ENOSF1: variants seen among roughly 807,000 people sequenced by gnomAD.
The protein encoded by ENOSF1 is mitochondrial enolase superfamily member 1.
Under a neutral mutation model 68.2 loss-of-function variants are expected in ENOSF1, and 73 were observed. That is an observed-to-expected ratio of 1.07 (90% CI 0.89 to 1.30). The LOEUF (loss-of-function observed/expected upper bound fraction) is 1.30, where lower values mean the gene tolerates loss of function less well. Among genes scored for constraint, ENOSF1 ranks in the 50% most tolerant of loss-of-function variants. ENOSF1 has a pLI of 0.00. For missense variants in ENOSF1, 589 were observed against 554.5 expected, an observed-to-expected ratio of 1.06 and a Z score of -0.62; for synonymous variants, 223 against 210.4, an observed-to-expected ratio of 1.06 and a Z score of -0.52.
chr18:687,239 A>C (rs1319045763), intron 9 of ENOSF1: 1 of 152,242 alleles, frequency 6.6e-6, no homozygotes, highest in East Asian at 1.9e-4. Flanking sequence ...ATGTGATTTC[A>C]GTTCTATCAG....
intron 11 of ENOSF1, among the ~76,000 whole-genome samples, chr18:681,096 A>G (rs1350507559): frequency 6.6e-6 from 1 of 152,174 alleles, no homozygotes; most frequent in Admixed American, 6.5e-5. Flanking sequence ...TCCTGACCTC[A>G]GGTGATCCAC....
chr18:674,179 TG>T lies in ENOSF1; in HGVS notation c.*125del. The stretch of plus-strand genomic sequence containing the variant: ...TAATTACTTAGCTGATTCCTGAGGG[TG>T]GTATGACTTCTAGCTGAACTCATCT... On this transcript the variant is annotated 3_prime_UTR_variant, in exon 16 of 16. Transcript: ENST00000647584. 1 of 654,430 alleles carries T rather than the reference TG, an allele frequency of 1.5e-6. No individual in the cohort carries two copies. The allele number at this position is 654,430 out of a possible 1,614,324, so 40.5% of individuals were successfully genotyped here.
chr18:699,177 G>C (rs1390463698), intron 2 of ENOSF1, among the ~76,000 whole-genome samples: 1 of 152,100 alleles, frequency 6.6e-6, no homozygotes, highest in Admixed American at 6.6e-5. Context: ...ACTTTGAAAG[G>C]ATTTCTTGGA....
At position 712,569 on chromosome 18, in the gene ENOSF1, A is replaced by T. The variant is rs2079726109; in HGVS notation, c.19T>A (p.Ser7Thr). 6.5e-7 allele frequency: 1 copy of T among 1,534,830 alleles called. No individual in the cohort carries two copies. The highest frequency in any genetic ancestry group is 8.7e-7 in the Non-Finnish European group (1 of 1,144,162). ...CGCACGTCCCGGACCGAGAGCCGGG[A>T]GATCCTGCCGCGCACCATGGCCCCT... MVRGRISRLSVRDVRFP... is the reference protein window; with the variant it reads MVRGRITRLSVRDVRFP... The change falls in exon 1 of 16, where the codon TCC becomes ACC. Residue 7 changes from serine to threonine, a missense_variant. Ser to Thr is a moderately conservative substitution (Grantham distance 58). Coordinates refer to ENST00000647584, the MANE Select transcript of ENOSF1 (RefSeq NM_017512.7).
chr18:683,434 G>A (rs2076297844), intron 10 of ENOSF1, 54 bp from the exon 11 acceptor site: 1 of 1,601,150 alleles, frequency 6.2e-7, no homozygotes, highest in East Asian at 2.2e-5. Flanking sequence ...CCTCACAGCA[G>A]GGCTGCGGCT....
At chr18:688,500 CCT>C in intron 9 of ENOSF1, 72 bp downstream of exon 9, 1 of 1,609,144 alleles carries the variant, frequency 6.2e-7, no homozygotes. Flanking sequence ...TCCTTGGCTC[CCT>C]GCCAGGAGAG....
intron 5 of ENOSF1, chr18:692,593 G>T: frequency 1.8e-6 from 1 of 565,128 alleles, no homozygotes; most frequent in Non-Finnish European, 2.2e-6. Flanking sequence ...AGAAAACTCC[G>T]TCTAAAAAAA....
chr18:705,783 C>A (rs771587264), intron 2 of ENOSF1, among the ~76,000 whole-genome samples: 30 of 151,938 alleles, frequency 2.0e-4, no homozygotes, highest in Non-Finnish European at 4.0e-4. Context: ...CTGAGACAGG[C>A]GGATCATTTG....
intron 10 of ENOSF1, 61 bp from the exon 11 acceptor site, chr18:683,441 G>C: frequency 1.9e-6 from 3 of 1,589,120 alleles, no homozygotes; most frequent in Non-Finnish European, 1.7e-6. Flanking sequence ...GCAGGGCTGC[G>C]GCTCCCAGGG....
intron 1 of ENOSF1, among the ~76,000 whole-genome samples, chr18:710,069 A>T (rs1461061898): frequency 2.6e-5 from 4 of 152,206 alleles, no homozygotes; most frequent in Admixed American, 6.5e-5. Context: ...GACATCACTC[A>T]GGCCCAGAGG....
chr18:711,507 A>G (rs1345457932), intron 1 of ENOSF1, among the ~76,000 whole-genome samples: 1 of 151,876 alleles, frequency 6.6e-6, no homozygotes, highest in Non-Finnish European at 1.5e-5. Flanking sequence ...TTCACTACAT[A>G]CCCATACAAC....
At chr18:710,493 T>C (rs1021797194) in intron 1 of ENOSF1, among the ~76,000 whole-genome samples, 12 of 152,104 alleles carry the variant, frequency 7.9e-5, no homozygotes, top group Middle Eastern at 3.2e-3. Flanking sequence ...TCAGAGTGAA[T>C]AGTAATTACA....
At chr18:668,502 T>C (rs2074902608), downstream of ENOSF1, among the ~76,000 whole-genome samples, 2 of 152,204 alleles carry the variant, frequency 1.3e-5, no homozygotes, top group Admixed American at 1.3e-4. Flanking sequence ...TCCTGATGTT[T>C]CCAAGTCAGT....
chr18:691,074 C>CT lies in ENOSF1; in HGVS notation c.528dup (p.Glu177ArgfsTer26), dbSNP rs757205235. On this transcript the variant is annotated frameshift_variant, in exon 7 of 16. Coordinates refer to ENST00000647584, the MANE Select transcript of ENOSF1 (RefSeq NM_017512.7). LOFTEE classifies it high-confidence loss of function. ...AAATTTTCTTACAACCCACCTCTTT[C>CT]TTTTTTACCAATTTGACCTTTCTGC... 21 of 1,614,034 alleles carry CT rather than the reference C, an allele frequency of 1.3e-5. No homozygotes were observed. The highest frequency in any genetic ancestry group is 1.7e-5 in the Non-Finnish European group (20 of 1,180,020).
In ENOSF1 at chr18:691,341, TA is replaced by T. The variant is rs892616862; in HGVS notation, c.424-66del. On this transcript the variant is annotated intron_variant, in intron 5 of 15. Transcript: ENST00000647584. ...ATAAGGTGGGTTATATTTTGTTTTT[TA>T]AAATTTATTATTCTTTTTTTAGAGA... The T allele has an allele frequency of 1.6e-5, 21 of 1,336,894 alleles. No individual in the cohort carries two copies. In the African/African-American group the frequency reaches 3.0e-4, roughly 19 times the overall value. 82.8% of individuals were successfully genotyped at this position (1,336,894 alleles called of 1,614,324 possible). A position where few individuals can be genotyped will look rare whatever the true frequency, so the allele number is the denominator to read the frequency against.
chr18:696,413 A>G (rs965400509), intron 3 of ENOSF1, among the ~76,000 whole-genome samples: 3 of 151,640 alleles, frequency 2.0e-5, no homozygotes, highest in Non-Finnish European at 4.4e-5. Context: ...GGGTTTCACC[A>G]TGTTAGCCAG....
rs2075047397 is a variant in ENOSF1 at position 671,475 on chromosome 18, T to G, written c.*2830A>C. ...AGGTAAGAATTAGATGTTATACTTTTGGGTTTGGTACCTTCTCTTGATAAA... is the reference window on the plus strand; with the variant it reads ...AGGTAAGAATTAGATGTTATACTTTGGGGTTTGGTACCTTCTCTTGATAAA... On this transcript the variant is annotated 3_prime_UTR_variant, in exon 16 of 16. Coordinates refer to ENST00000647584, the MANE Select transcript of ENOSF1 (RefSeq NM_017512.7). The G allele has an allele frequency of 6.6e-7, 1 of 1,524,212 alleles. No homozygotes were observed. The highest frequency in any genetic ancestry group is 1.7e-4 in the Middle Eastern group (1 of 5,914). The allele number at this position is 1,524,212 out of a possible 1,614,324, so 94.4% of individuals were successfully genotyped here.
At position 685,466 on chromosome 18, in the gene ENOSF1, T is replaced by C. The variant is rs1037312321; in HGVS notation, c.741+455A>G. ...GCCTCCAAAGCCTCATAAAAACATC[T>C]TACTGTGACTTTATGAAAATATTTT... On this transcript the variant is annotated intron_variant, in intron 10 of 15. Transcript: ENST00000647584. Among the ~76,000 whole-genome samples the C allele has an allele frequency of 2.0e-5, 3 of 152,196 alleles. No individual in the cohort carries two copies. In the East Asian group the frequency reaches 5.8e-4, roughly 29 times the overall value.
intron 1 of ENOSF1, among the ~76,000 whole-genome samples, chr18:711,034 A>T (rs1250491104): frequency 6.6e-6 from 1 of 152,144 alleles, no homozygotes; most frequent in African/African-American, 2.4e-5. Flanking sequence ...GCTGGGCATC[A>T]TGGTGCACAC....
Sources: gnomAD v4.1 joint callset for allele counts (sites outside exome capture counted in the v4.1 genomes callset) on GRCh38, gnomAD v4.1.1 for gene constraint, MANE v1.5 for transcripts, NCBI Gene and HGNC (gene_info 2026-07-23, HGNC 2026-07-21) for gene names.